PLEKHA1: variants seen among roughly 807,000 people sequenced by gnomAD.
The protein encoded by PLEKHA1 is pleckstrin homology domain-containing family A member 1.
Under a neutral mutation model 52.0 loss-of-function variants are expected in PLEKHA1, and 34 were observed. The ratio of observed to expected loss-of-function variants is 0.65; its 90% CI spans 0.50 to 0.87. PLEKHA1 has a LOEUF of 0.87. Ranked by LOEUF, PLEKHA1 falls within the 40% of genes least tolerant of loss-of-function variation. The probability of loss-of-function intolerance (pLI) is 0.00; values close to 1 mark genes in which losing one functional copy is unlikely to be tolerated. For synonymous variants in PLEKHA1, 163 were observed against 170.7 expected, an observed-to-expected ratio of 0.95 and a Z score of 0.35; for missense variants, 497 against 504.2, an observed-to-expected ratio of 0.99 and a Z score of 0.14.
intron 1 of PLEKHA1, among the ~76,000 whole-genome samples, chr10:122,378,300 A>G (rs2096565795): frequency 6.6e-6 from 1 of 152,212 alleles, no homozygotes; most frequent in Admixed American, 6.5e-5. Flanking sequence ...CTTACTGAGA[A>G]CAAACACAAG....
At chr10:122,392,347 T>G (rs1403286737) in intron 1 of PLEKHA1, 3 of 152,128 alleles carry the variant, frequency 2.0e-5, no homozygotes, top group Non-Finnish European at 2.9e-5. Context: ...TTTAGCATGT[T>G]CCTCTGTGTT....
intron 1 of PLEKHA1, among the ~76,000 whole-genome samples, chr10:122,377,305 G>T (rs1427327905): frequency 2.6e-5 from 4 of 152,086 alleles, no homozygotes; most frequent in Non-Finnish European, 5.9e-5. Flanking sequence ...TTTCCTATTT[G>T]ATTCCAACTG....
intron 1 of PLEKHA1, among the ~76,000 whole-genome samples, chr10:122,391,207 G>T (rs1305746864): frequency 6.6e-6 from 1 of 150,908 alleles, no homozygotes; most frequent in Non-Finnish European, 1.5e-5. Context: ...TATATAGTTT[G>T]CAAATATTTT....
chr10:122,406,549 T>A, intron 4 of PLEKHA1, 27 bp from the exon 5 acceptor site: 1 of 1,536,050 alleles, frequency 6.5e-7, no homozygotes, highest in Non-Finnish European at 9.0e-7. Flanking sequence ...GTACAATATT[T>A]GGTGTGTTAT....
At chr10:122,389,393 C>G (rs1361392444) in intron 1 of PLEKHA1, among the ~76,000 whole-genome samples, 1 of 152,120 alleles carries the variant, frequency 6.6e-6, no homozygotes, top group Non-Finnish European at 1.5e-5. Flanking sequence ...GAGTAAGTCT[C>G]AATAGTGGGC....
chr10:122,428,273 C>T lies in PLEKHA1; in HGVS notation c.900+1242C>T, dbSNP rs1036077251. ...CTAATCTTAGCTTTGCACTGTGTTC[C>T]AGATGCGGCAGGCCAGAAGGCTGTC... is the stretch of plus-strand genomic sequence containing the variant. On this transcript the variant is annotated intron_variant, in intron 11 of 11. Transcript: ENST00000368990. 3.9e-6 allele frequency: 6 copies of T among 1,539,356 alleles called. No individual in the cohort carries two copies. The African/African-American group carries it at 5.5e-5, about 14-fold the overall frequency.
intron 1 of PLEKHA1, among the ~76,000 whole-genome samples, chr10:122,383,450 G>A (rs2096645071): frequency 6.7e-6 from 1 of 149,752 alleles, no homozygotes; most frequent in Non-Finnish European, 1.5e-5. Flanking sequence ...TTCCCAAGTA[G>A]CTGGGACTAC....
chr10:122,405,030 T>G (rs540428318), intron 4 of PLEKHA1, among the ~76,000 whole-genome samples: 117 of 152,350 alleles, frequency 7.7e-4, no homozygotes, highest in African/African-American at 2.3e-3. Context: ...ATAATATTTA[T>G]GCTTTTAAAA....
At chr10:122,378,548 C>A (rs2096569225) in intron 1 of PLEKHA1, among the ~76,000 whole-genome samples, 2 of 151,974 alleles carry the variant, frequency 1.3e-5, no homozygotes, top group Admixed American at 1.3e-4. Flanking sequence ...CCAGCCTGGG[C>A]AACATGACGA....
chr10:122,380,188 G>A (rs938887603), intron 1 of PLEKHA1, among the ~76,000 whole-genome samples: 3 of 152,242 alleles, frequency 2.0e-5, no homozygotes, highest in South Asian at 2.1e-4. Context: ...GAAACTTAAC[G>A]TTAATCTTTG....
intron 5 of PLEKHA1, among the ~76,000 whole-genome samples, chr10:122,411,292 G>A (rs2097103418): frequency 6.6e-6 from 1 of 152,174 alleles, no homozygotes; most frequent in Admixed American, 6.5e-5. Context: ...GAGAAGGAAG[G>A]GAGAGGGAGT....
chr10:122,393,326 C>A lies in PLEKHA1; in HGVS notation c.126C>A (p.Tyr42Ter). ...CCAGAGAAGATAGTTTCGTGTGGTA[C>A]ATGGATAATCCACAGGTTTGTAAAA... ...LDTREDSFVW[Y>*]MDNPQNLPSG... Residue 42 changes from tyrosine to a stop codon, truncating the protein, a stop_gained, in exon 2 of 12, where the codon TAC becomes TAA. Transcript: ENST00000368990. LOFTEE classifies it high-confidence loss of function. This position sits in a 1 kb window ranked among gnomAD's most constrained non-coding sequence, Gnocchi z 4.5. 1 of 1,605,890 alleles carries A rather than the reference C, an allele frequency of 6.2e-7. No homozygotes were observed. The highest frequency in any genetic ancestry group is 8.5e-7 in the Non-Finnish European group (1 of 1,177,108).
chr10:122,442,275 T>C, the PLEKHA1 span: 2 of 152,190 alleles, frequency 1.3e-5, no homozygotes, highest in Admixed American at 6.5e-5. Flanking sequence ...TTTACTTTTT[T>C]TTTCTTTTGT....
chr10:122,416,219 A>AT (rs1462352540), intron 7 of PLEKHA1, among the ~76,000 whole-genome samples: 4 of 152,226 alleles, frequency 2.6e-5, no homozygotes. Flanking sequence ...GTTAATGCCC[A>AT]TTACCACTGA....
At position 122,374,759 on chromosome 10, in the gene PLEKHA1, G is replaced by T. The variant is rs2096495552; in HGVS notation, c.-68G>T. On this transcript the variant is annotated 5_prime_UTR_variant, in exon 1 of 12. Transcript: ENST00000368990. ...CGCCGCTCCGGGCAGCCGAGCCTCT[G>T]TGGGAGCCGGGGCCGCGGCGGCGCG... The T allele has an allele frequency of 6.6e-6, 1 of 151,954 alleles. No individual in the cohort carries two copies. The highest frequency in any genetic ancestry group is 2.4e-5 in the African/African-American group (1 of 41,396). 9.4% of individuals were successfully genotyped at this position (151,954 alleles called of 1,614,324 possible).
At chr10:122,384,158 T>C (rs1402513507) in intron 1 of PLEKHA1, among the ~76,000 whole-genome samples, 1 of 152,186 alleles carries the variant, frequency 6.6e-6, no homozygotes, top group East Asian at 1.9e-4. Context: ...TGTCTTTTAC[T>C]CATTTTTCTA....
the PLEKHA1 span, chr10:122,441,609 C>T: frequency 2.6e-5 from 4 of 152,184 alleles, no homozygotes; most frequent in Non-Finnish European, 5.9e-5. Flanking sequence ...TTACCTAAAT[C>T]ACTGCCTGTG....
chr10:122,408,871 T>C (rs1481348799), intron 5 of PLEKHA1, among the ~76,000 whole-genome samples: 1 of 152,190 alleles, frequency 6.6e-6, no homozygotes, highest in Non-Finnish European at 1.5e-5. Context: ...ATGTACTTAA[T>C]ACATAAATCT....
intron 5 of PLEKHA1, among the ~76,000 whole-genome samples, chr10:122,408,307 T>A (rs1299526094): frequency 6.6e-6 from 1 of 152,212 alleles, no homozygotes; most frequent in African/African-American, 2.4e-5. Flanking sequence ...AATTGCTATG[T>A]CTGATTTATC....
Sources: allele counts gnomAD v4.1 joint callset (sites outside exome capture counted in the v4.1 genomes callset), GRCh38; gene constraint gnomAD v4.1.1; non-coding constraint Gnocchi (gnomAD v3.1); transcripts MANE v1.5; gene names NCBI Gene and HGNC (gene_info 2026-07-23, HGNC 2026-07-21).